The following ITPRID1 variants were observed in gnomAD, a reference collection of about 807,000 sequenced individuals.
ITPRID1 encodes ITPR interacting domain containing 1.
Under a neutral mutation model 95.4 loss-of-function variants are expected in ITPRID1, and 96 were observed. That is an observed-to-expected ratio of 1.01 (90% CI 0.85 to 1.19). ITPRID1 has a LOEUF of 1.19. Ranked by LOEUF, ITPRID1 falls within the 50% of genes most tolerant of loss-of-function variation. The probability of loss-of-function intolerance (pLI) is 0.00; values close to 1 mark genes in which losing one functional copy is unlikely to be tolerated. For synonymous variants in ITPRID1, 510 were observed against 453.6 expected (o/e 1.12, Z -1.58); for missense variants, 1,339 against 1,252.9 (o/e 1.07, Z -1.04).
Position 31,642,854 on chromosome 7 carries a change from A to T in ITPRID1, c.1484A>T (p.Gln495Leu). Residue 495 changes from glutamine (Q) to leucine (L), a missense_variant, in exon 12 of 15, where the codon CAA becomes CTA. Transcript: ENST00000615280. ...AGCCAAGAAGCGAATGCCTTGGAAC[A>T]AAGGGCCTCAGTATCTGTGATGGAG... ...FSSQEANALE[Q>L]RASVSVMEEE... 2 of 1,614,050 alleles carry T rather than the reference A, an allele frequency of 1.2e-6. No homozygotes were observed. Among genetic ancestry groups the T allele is most frequent in the Non-Finnish European group, 1.7e-6 (2 of 1,179,904 alleles).
intron 4 of ITPRID1, 144 bp from the exon 5 acceptor site, chr7:31,554,714 T>C: frequency 1.0e-6 from 1 of 955,788 alleles, no homozygotes; most frequent in Admixed American, 2.4e-5. Flanking sequence ...ACTACTCTAG[T>C]CCCTGACTGT....
At chr7:31,614,471 T>A (rs1194698453) in intron 10 of ITPRID1, among the ~76,000 whole-genome samples, 3 of 152,132 alleles carry the variant, frequency 2.0e-5, no homozygotes, top group Non-Finnish European at 2.9e-5. Context: ...GGGCTTGAAG[T>A]AAGACAGAAA....
At chr7:31,573,834 AGAT>A (rs1378569215) in intron 7 of ITPRID1, among the ~76,000 whole-genome samples, 3 of 150,454 alleles carry the variant, frequency 2.0e-5, no homozygotes, top group Non-Finnish European at 4.4e-5. Flanking sequence ...TAAATAATTT[AGAT>A]ATTTATATAT....
intron 10 of ITPRID1, among the ~76,000 whole-genome samples, chr7:31,614,630 A>C (rs929984747): frequency 1.3e-5 from 2 of 152,180 alleles, no homozygotes; most frequent in Non-Finnish European, 2.9e-5. Context: ...ACATTATGGA[A>C]TTAATTGATT....
At chr7:31,550,168 G>C (rs1001359565) in intron 2 of ITPRID1, among the ~76,000 whole-genome samples, 22 of 144,414 alleles carry the variant, frequency 1.5e-4, no homozygotes, top group African/African-American at 5.6e-4. Context: ...TTACAAAATT[G>C]AGTTCTTAGT....
intron 5 of ITPRID1, among the ~76,000 whole-genome samples, chr7:31,569,382 T>C (rs1170966178): frequency 1.3e-5 from 2 of 152,196 alleles, no homozygotes; most frequent in African/African-American, 2.4e-5. Flanking sequence ...CACTCTGCTT[T>C]GCACTTTCTG....
chr7:31,527,214 G>A (rs2128128970), intron 1 of ITPRID1, among the ~76,000 whole-genome samples: 2 of 152,210 alleles, frequency 1.3e-5, no homozygotes, highest in Middle Eastern at 6.8e-3. Context: ...ACTTTATGAA[G>A]GCTATTCCAG....
At chr7:31,619,992 GTC>G (rs1787671310) in intron 10 of ITPRID1, among the ~76,000 whole-genome samples, 1 of 152,198 alleles carries the variant, frequency 6.6e-6, no homozygotes, top group Non-Finnish European at 1.5e-5. Context: ...CGCCCACGGA[GTC>G]TCGCTGATTG....
intron 5 of ITPRID1, among the ~76,000 whole-genome samples, chr7:31,556,743 C>T (rs1325968769): frequency 1.5e-4 from 23 of 152,056 alleles, no homozygotes; most frequent in Admixed American, 1.4e-3. Flanking sequence ...TGTCAAAACT[C>T]ATAAAATACT....
chr7:31,526,530 C>T (rs1783425947), intron 1 of ITPRID1, among the ~76,000 whole-genome samples: 1 of 152,162 alleles, frequency 6.6e-6, no homozygotes, highest in Non-Finnish European at 1.5e-5. Flanking sequence ...TGTTGTAAGA[C>T]TTTAACTGTG....
At chr7:31,546,928 G>A (rs1201788223) in intron 1 of ITPRID1, among the ~76,000 whole-genome samples, 1 of 152,094 alleles carries the variant, frequency 6.6e-6, no homozygotes, top group Admixed American at 6.6e-5. Context: ...TCAAAATTTA[G>A]AGATTGGAAA....
At chr7:31,545,671 G>T (rs1288655750) in intron 1 of ITPRID1, among the ~76,000 whole-genome samples, 2 of 152,110 alleles carry the variant, frequency 1.3e-5, no homozygotes, top group Admixed American at 1.3e-4. Context: ...CAACTGCCTT[G>T]TCTTTATATC....
intron 12 of ITPRID1, among the ~76,000 whole-genome samples, chr7:31,647,673 CAAAAAAAA>C (rs11345351): frequency 2.6e-4 from 18 of 69,358 alleles, no homozygotes; most frequent in Admixed American, 9.7e-4. Context: ...GTCTCCGTCT[CAAAAAAAA>C]AAAAAAAAAA....
chr7:31,527,931 T>C (rs1007562577), intron 1 of ITPRID1, among the ~76,000 whole-genome samples: 2 of 152,186 alleles, frequency 1.3e-5, no homozygotes, highest in Non-Finnish European at 1.5e-5. Context: ...AGAGTTTTCT[T>C]GGAATTACAG....
intron 7 of ITPRID1, among the ~76,000 whole-genome samples, chr7:31,573,011 A>G (rs972035351): frequency 1.3e-5 from 2 of 152,144 alleles, no homozygotes; most frequent in African/African-American, 4.8e-5. Context: ...TTCTCACCAG[A>G]ATTTTTTTCT....
At position 31,555,709 on chromosome 7, in the gene ITPRID1, A is replaced by T. The variant is rs1784423974; in HGVS notation, c.256+808A>T. The stretch of plus-strand genomic sequence containing the variant: ...GACATAAATTAGGAACTTAATGGTT[A>T]GATGAAAAAATTATTAGTCTAATAG... On this transcript the variant is annotated intron_variant, in intron 5 of 14. Coordinates refer to ENST00000615280, the MANE Select transcript of ITPRID1 (RefSeq NM_001257967.3). Among the ~76,000 whole-genome samples, 3 of 152,212 alleles carry T rather than the reference A, an allele frequency of 2.0e-5. No homozygotes were observed. The South Asian group carries it at 6.2e-4, about 32-fold the overall frequency.
intron 10 of ITPRID1, among the ~76,000 whole-genome samples, chr7:31,641,414 TGA>T (rs1790005971): frequency 6.6e-6 from 1 of 152,082 alleles, no homozygotes; most frequent in South Asian, 2.1e-4. Context: ...CCCTTCCTCC[TGA>T]GAGACTTCCT....
At chr7:31,630,378 G>A (rs1255607125) in intron 10 of ITPRID1, among the ~76,000 whole-genome samples, 1 of 151,748 alleles carries the variant, frequency 6.6e-6, no homozygotes, top group African/African-American at 2.4e-5. Flanking sequence ...AACAATTTAT[G>A]ATGCAGTTCA....
At position 31,555,023 on chromosome 7, in the gene ITPRID1, A is replaced by G. The variant is rs531915103; in HGVS notation, c.256+122A>G. The stretch of plus-strand genomic sequence containing the variant: ...GGCTTCTAGAAATGATCAGCCCTCA[A>G]AAACTATCCAGCTCAATCTCTTCAT... On this transcript the variant is annotated intron_variant, in intron 5 of 14. Transcript: ENST00000615280. 2.5e-5 allele frequency: 18 copies of G among 726,788 alleles called. No individual in the cohort carries two copies. In the Admixed American group the frequency reaches 3.8e-4, roughly 15 times the overall value. 45.0% of individuals were successfully genotyped at this position (726,788 alleles called of 1,614,324 possible).
Sources: allele counts gnomAD v4.1 joint callset (sites outside exome capture counted in the v4.1 genomes callset), GRCh38; gene constraint gnomAD v4.1.1; transcripts MANE v1.5; gene names NCBI Gene and HGNC (gene_info 2026-07-23, HGNC 2026-07-21).